CCDC148: variants seen among roughly 807,000 people sequenced by gnomAD.
CCDC148 encodes the protein coiled-coil domain containing 148, also known as coiled-coil domain-containing protein 148.
Under a neutral mutation model 85.7 loss-of-function variants are expected in CCDC148, and 89 were observed. The ratio of observed to expected loss-of-function variants is 1.04; its 90% confidence interval spans 0.87 to 1.24. The LOEUF (loss-of-function observed/expected upper bound fraction) is 1.24, where lower values mean the gene tolerates loss of function less well. Among genes scored for constraint, CCDC148 ranks in the 50% most tolerant of loss-of-function variants. The pLI is 0.00. For synonymous variants in CCDC148, 230 were observed against 213.9 expected (o/e 1.08, Z -0.66); for missense variants, 692 against 671.7 (o/e 1.03, Z -0.33).
intron 9 of CCDC148, among the ~76,000 whole-genome samples, chr2:158,274,212 A>C (rs181430101): frequency 2.0e-5 from 3 of 152,312 alleles, no homozygotes; most frequent in East Asian, 1.9e-4. Context: ...ATCATCTAGG[A>C]GCTTGTTAGA....
rs116604909 is a variant in CCDC148 at position 158,399,376 on chromosome 2, A to G, written c.26-40806T>C. Among the ~76,000 whole-genome samples the G allele has an allele frequency of 5.4e-3, 819 of 152,280 alleles. 9 individuals are homozygous for G. The highest frequency in any genetic ancestry group is 0.019 in the African/African-American group (769 of 41,560). On this transcript the variant is annotated intron_variant, in intron 1 of 13. Transcript: ENST00000283233. Reference sequence around the variant, plus strand: ...ATGAATATCAATGGGAAAAATCCTCAATAAAGTACTGGCAAACCAAATCCA... The same window carrying G: ...ATGAATATCAATGGGAAAAATCCTCGATAAAGTACTGGCAAACCAAATCCA...
intron 7 of CCDC148, among the ~76,000 whole-genome samples, chr2:158,319,475 C>T (rs1237295159): frequency 6.6e-6 from 1 of 152,198 alleles, no homozygotes; most frequent in Non-Finnish European, 1.5e-5. Context: ...GAAGGAAGGT[C>T]CCTCTCTGCT....
At position 158,338,917 on chromosome 2, in the gene CCDC148, A is replaced by T; in HGVS notation, c.583-10T>A. 6.3e-7 allele frequency: 1 copy of T among 1,599,992 alleles called. No homozygotes were observed. Among genetic ancestry groups the T allele is most frequent in the East Asian group, 2.2e-5 (1 of 44,730 alleles). The stretch of plus-strand genomic sequence containing the variant: ...AAGAATGATCTAGAATCTGAAAAAA[A>T]GTATATGATTATTTTATTTAACATA... On this transcript the variant is annotated splice_polypyrimidine_tract_variant and intron_variant, in intron 6 of 13. Transcript: ENST00000283233.
At chr2:158,284,057 A>T (rs1690489273) in intron 9 of CCDC148, among the ~76,000 whole-genome samples, 1 of 146,590 alleles carries the variant, frequency 6.8e-6, no homozygotes, top group Non-Finnish European at 1.5e-5. Context: ...ATTCTCACTC[A>T]TACGTGGGAA....
intron 1 of CCDC148, among the ~76,000 whole-genome samples, chr2:158,364,622 A>G (rs1423478746): frequency 1.3e-5 from 2 of 152,234 alleles, no homozygotes; most frequent in African/African-American, 4.8e-5. Flanking sequence ...CAGAAAACTG[A>G]AACTGGATCC....
At chr2:158,352,352 T>C (rs1202683245) in intron 2 of CCDC148, among the ~76,000 whole-genome samples, 1 of 151,974 alleles carries the variant, frequency 6.6e-6, no homozygotes, top group East Asian at 1.9e-4. Context: ...AATGTATAAC[T>C]AGAATAACCA....
intron 9 of CCDC148, among the ~76,000 whole-genome samples, chr2:158,257,545 C>T (rs1384195027): frequency 6.6e-6 from 1 of 151,744 alleles, no homozygotes; most frequent in Non-Finnish European, 1.5e-5. Context: ...TTAAAGCTTT[C>T]TATTCTCCAT....
chr2:158,391,395 A>C (rs1685301961), intron 1 of CCDC148, among the ~76,000 whole-genome samples: 1 of 152,216 alleles, frequency 6.6e-6, no homozygotes, highest in East Asian at 1.9e-4. Flanking sequence ...ATTTTAGAGA[A>C]CATTTAACCA....
At chr2:158,248,915 T>A (rs1688678214) in intron 10 of CCDC148, among the ~76,000 whole-genome samples, 1 of 152,116 alleles carries the variant, frequency 6.6e-6, no homozygotes, top group Admixed American at 6.6e-5. Context: ...CATTACTCTG[T>A]TCAGTTCTTG....
chr2:158,280,837 C>T (rs1036279458), intron 9 of CCDC148, among the ~76,000 whole-genome samples: 1 of 152,142 alleles, frequency 6.6e-6, no homozygotes, highest in Non-Finnish European at 1.5e-5. Context: ...TTTTTCAGCA[C>T]CACACCACAC....
intron 1 of CCDC148, among the ~76,000 whole-genome samples, chr2:158,366,940 A>C (rs74580363): frequency 0.071 from 10,838 of 152,280 alleles, 537 homozygotes; most frequent in South Asian, 0.12. Flanking sequence ...TCTTAAAAGG[A>C]GGAGAAGATA....
intron 9 of CCDC148, among the ~76,000 whole-genome samples, chr2:158,263,361 A>T (rs1300877225): frequency 2.0e-5 from 3 of 152,010 alleles, no homozygotes; most frequent in Non-Finnish European, 4.4e-5. Context: ...ATACTTATTA[A>T]AGGTGTATTA....
At chr2:158,352,264 G>T (rs71588496) in intron 2 of CCDC148, among the ~76,000 whole-genome samples, 2 of 150,348 alleles carry the variant, frequency 1.3e-5, no homozygotes, top group South Asian at 2.1e-4. Flanking sequence ...GGCTTCAGAC[G>T]ATCAAATTAC....
At chr2:158,361,477 C>T (rs1186533438) in intron 1 of CCDC148, among the ~76,000 whole-genome samples, 14 of 152,162 alleles carry the variant, frequency 9.2e-5, no homozygotes, top group Admixed American at 4.6e-4. Flanking sequence ...GCGGATCTCT[C>T]TGCAGAAACC....
intron 1 of CCDC148, among the ~76,000 whole-genome samples, chr2:158,449,434 C>T (rs944826832): frequency 6.9e-6 from 1 of 145,660 alleles, no homozygotes; most frequent in Non-Finnish European, 1.5e-5. Context: ...AGTTCTGTCC[C>T]TTCTTGCCCT....
At chr2:158,216,392 T>C (rs1403266495) in intron 11 of CCDC148, among the ~76,000 whole-genome samples, 2 of 101,030 alleles carry the variant, frequency 2.0e-5, no homozygotes, top group Admixed American at 1.0e-4. Flanking sequence ...AATACTTTTT[T>C]TTTTTTTTTT....
chr2:158,212,243 G>A (rs1017381144), intron 11 of CCDC148, among the ~76,000 whole-genome samples: 1 of 152,176 alleles, frequency 6.6e-6, no homozygotes, highest in Non-Finnish European at 1.5e-5. Context: ...ATGAACAAGA[G>A]CATCCCCATT....
intron 9 of CCDC148, among the ~76,000 whole-genome samples, chr2:158,253,178 C>T (rs1380641735): frequency 6.6e-6 from 1 of 151,682 alleles, no homozygotes; most frequent in African/African-American, 2.4e-5. Flanking sequence ...TTCCCTAGTC[C>T]ATCCAAAGTC....
At chr2:158,411,967 T>G (rs1372805724) in intron 1 of CCDC148, among the ~76,000 whole-genome samples, 1 of 152,132 alleles carries the variant, frequency 6.6e-6, no homozygotes, top group African/African-American at 2.4e-5. Context: ...CTGGGAGTAG[T>G]GCAGTGGCTC....
Sources: allele counts gnomAD v4.1 joint callset (sites outside exome capture counted in the v4.1 genomes callset), GRCh38; gene constraint gnomAD v4.1.1; transcripts MANE v1.5; gene names NCBI Gene and HGNC (gene_info 2026-07-23, HGNC 2026-07-21).